Variants in RBPMS2 observed in about 807,000 individuals in gnomAD.
The protein encoded by RBPMS2 is RNA-binding protein with multiple splicing 2.
In RBPMS2, 14 loss-of-function variants were observed where a neutral mutation model predicts 25.7. The observed-to-expected ratio is 0.55, with a 90% confidence interval of 0.36 to 0.85. The LOEUF (loss-of-function observed/expected upper bound fraction) is 0.85. Ranked by LOEUF, RBPMS2 falls within the 40% of genes least tolerant of loss-of-function variation. RBPMS2 has a pLI of 0.01. For missense variants in RBPMS2, 252 were observed against 283.4 expected (o/e 0.89, Z 0.80); for synonymous variants, 127 against 115.6 (o/e 1.10, Z -0.63).
At chr15:64,761,270 G>A (rs961020635) in intron 1 of RBPMS2, 6 of 152,120 alleles carry the variant, frequency 3.9e-5, no homozygotes, top group Non-Finnish European at 7.3e-5. Context: ...AGGGAAAAAC[G>A]AGCCTCTTAT....
At chr15:64,741,853 G>C (rs999705268) in intron 6 of RBPMS2, among the ~76,000 whole-genome samples, 95 of 152,194 alleles carry the variant, frequency 6.2e-4, no homozygotes, top group African/African-American at 2.1e-3. Context: ...GGGCAACATA[G>C]GGAGATAATG....
At chr15:64,771,619 C>A (rs1313728999) in intron 1 of RBPMS2, among the ~76,000 whole-genome samples, 1 of 149,662 alleles carries the variant, frequency 6.7e-6, no homozygotes, top group African/African-American at 2.5e-5. Flanking sequence ...TGCAGTGAGC[C>A]GAGATTGCGC....
chr15:64,740,526 C>A lies in RBPMS2; in HGVS notation c.*482G>T. ...CCCTGAAGCGGGGTGGGTGCAGGGG[C>A]GGGGCGAGGAGAGAGGGGCAGGCAG... is the stretch of plus-strand genomic sequence containing the variant. On this transcript the variant is annotated 3_prime_UTR_variant, in exon 8 of 8. Coordinates refer to ENST00000300069, the MANE Select transcript of RBPMS2 (RefSeq NM_194272.3). The A allele has an allele frequency of 7.2e-6, 1 of 138,122 alleles. No homozygotes were observed. 8.6% of individuals were successfully genotyped at this position (138,122 alleles called of 1,614,324 possible).
chr15:64,745,739 GGTA>G (rs1302118988), intron 6 of RBPMS2, among the ~76,000 whole-genome samples: 1 of 152,188 alleles, frequency 6.6e-6, no homozygotes, highest in Non-Finnish European at 1.5e-5. Context: ...GGCCAGGCAA[GGTA>G]GCCTCATGCC....
chr15:64,753,349 C>T (rs745721672), intron 1 of RBPMS2, among the ~76,000 whole-genome samples: 13 of 152,160 alleles, frequency 8.5e-5, no homozygotes, highest in Non-Finnish European at 1.3e-4. Context: ...GAACTTGCTC[C>T]GCTCTCTAGT....
At chr15:64,758,149 G>A (rs970216295) in intron 1 of RBPMS2, among the ~76,000 whole-genome samples, 1 of 152,204 alleles carries the variant, frequency 6.6e-6, no homozygotes, top group Admixed American at 6.5e-5. Flanking sequence ...TTTAAAGAGT[G>A]CACAGGGGTG....
chr15:64,760,577 G>T (rs1031678181), intron 1 of RBPMS2, among the ~76,000 whole-genome samples: 7 of 151,780 alleles, frequency 4.6e-5, no homozygotes, highest in African/African-American at 1.7e-4. Context: ...TCCTTCTCCG[G>T]ATCACCTGAG....
At position 64,775,349 on chromosome 15, in the gene RBPMS2, C is replaced by A; in HGVS notation, c.-30G>T. On this transcript the variant is annotated 5_prime_UTR_variant, in exon 1 of 8. Transcript: ENST00000300069. Reference sequence around the variant, plus strand: ...CGGGGGAGGGGGCGGCGGGAAGGAACGCGAGGGCGAGCGCGGCGCCGGCCC... The same window carrying A: ...CGGGGGAGGGGGCGGCGGGAAGGAAAGCGAGGGCGAGCGCGGCGCCGGCCC... The A allele has an allele frequency of 8.2e-7, 1 of 1,212,962 alleles. No homozygotes were observed. The highest frequency in any genetic ancestry group is 2.8e-5 in the South Asian group (1 of 36,296). The allele number at this position is 1,212,962 out of a possible 1,614,324, so 75.1% of individuals were successfully genotyped here. A position where few individuals can be genotyped will look rare whatever the true frequency, so the allele number is the denominator to read the frequency against.
At chr15:64,743,530 A>C (rs938001312) in intron 6 of RBPMS2, among the ~76,000 whole-genome samples, 9 of 152,202 alleles carry the variant, frequency 5.9e-5, no homozygotes, top group Non-Finnish European at 1.2e-4. Flanking sequence ...GAAGCCACAC[A>C]ATCCCTTCCT....
At chr15:64,759,068 G>A (rs2083758298) in intron 1 of RBPMS2, among the ~76,000 whole-genome samples, 1 of 152,034 alleles carries the variant, frequency 6.6e-6, no homozygotes, top group Non-Finnish European at 1.5e-5. Flanking sequence ...TGGAATTATA[G>A]GTGTGAGCCA....
chr15:64,763,981 T>C (rs147375127), intron 1 of RBPMS2, among the ~76,000 whole-genome samples: 47 of 152,094 alleles, frequency 3.1e-4, no homozygotes, highest in African/African-American at 1.1e-3. Context: ...TCAAAGCCTG[T>C]TGTGTGCACT....
intron 1 of RBPMS2, among the ~76,000 whole-genome samples, chr15:64,754,180 C>T (rs2083709993): frequency 1.3e-5 from 2 of 152,024 alleles, no homozygotes; most frequent in South Asian, 4.1e-4. Context: ...GGTGTGGTGG[C>T]CCATCCCTGC....
chr15:64,746,413 C>G (rs975674442), intron 6 of RBPMS2, among the ~76,000 whole-genome samples: 1 of 152,232 alleles, frequency 6.6e-6, no homozygotes, highest in South Asian at 2.1e-4. Context: ...ACAGCACTCC[C>G]TCCATGCCAT....
At chr15:64,775,089 C>T in intron 1 of RBPMS2, 144 bp downstream of exon 1, 1 of 356,366 alleles carries the variant, frequency 2.8e-6, no homozygotes, top group Non-Finnish European at 4.7e-6. Flanking sequence ...CGGGCCGCTC[C>T]TACCCGGGCG....
At chr15:64,752,239 T>C (rs897383499) in intron 1 of RBPMS2, among the ~76,000 whole-genome samples, 14 of 152,028 alleles carry the variant, frequency 9.2e-5, no homozygotes, top group African/African-American at 3.1e-4. Context: ...TTTTAATCCA[T>C]TGCACCACTG....
chr15:64,775,158 G>T, intron 1 of RBPMS2, 75 bp downstream of exon 1: 2 of 844,854 alleles, frequency 2.4e-6, no homozygotes, highest in Non-Finnish European at 3.1e-6. Context: ...GCGAGGCGCG[G>T]CAGGCCCCGC....
In RBPMS2 at chr15:64,775,240, T is replaced by C; in HGVS notation, c.80A>G (p.Glu27Gly). ...GSGAGSGGAL[E>G]EEVRTLFVSG... Reference sequence around the variant, plus strand: ...CCGGGGCCACAGACCCACCTCCTCCTCCAGGGCGCCGCCGGAGCCCGCGCC... The same window carrying C: ...CCGGGGCCACAGACCCACCTCCTCCCCCAGGGCGCCGCCGGAGCCCGCGCC... Residue 27 changes from glutamate to glycine, a missense_variant, in exon 1 of 8, where the codon GAG becomes GGG. By Grantham distance (98) the Glu-to-Gly change is moderately conservative. Coordinates refer to ENST00000300069, the MANE Select transcript of RBPMS2 (RefSeq NM_194272.3). 1 of 1,286,952 alleles carries C rather than the reference T, an allele frequency of 7.8e-7. No homozygotes were observed. Among genetic ancestry groups the C allele is most frequent in the Non-Finnish European group, 9.9e-7 (1 of 1,011,790 alleles). The allele number at this position is 1,286,952 out of a possible 1,614,324, so 79.7% of individuals were successfully genotyped here. A position where few individuals can be genotyped will look rare whatever the true frequency, so the allele number is the denominator to read the frequency against.
intron 1 of RBPMS2, among the ~76,000 whole-genome samples, chr15:64,759,952 C>A (rs944500444): frequency 6.6e-6 from 1 of 152,182 alleles, no homozygotes; most frequent in Admixed American, 6.5e-5. Flanking sequence ...GGATTACAGG[C>A]GTGAGCCACC....
Position 64,775,441 on chromosome 15 carries a change from C to A in RBPMS2, c.-122G>T. The A allele has an allele frequency of 2.5e-6, 1 of 393,000 alleles. No homozygotes were observed. Among genetic ancestry groups the A allele is most frequent in the Admixed American group, 4.9e-5 (1 of 20,480 alleles). 24.3% of individuals were successfully genotyped at this position (393,000 alleles called of 1,614,324 possible). ...GGTGCGGAGCGGGTGGCGGGGGACC[C>A]ACGGGGCAGTGAGAGGGGCAGCCTC... On this transcript the variant is annotated 5_prime_UTR_variant, in exon 1 of 8. Transcript: ENST00000300069.
Sources: gnomAD v4.1 joint callset for allele counts (sites outside exome capture counted in the v4.1 genomes callset) on GRCh38, gnomAD v4.1.1 for gene constraint, MANE v1.5 for transcripts, NCBI Gene and HGNC (gene_info 2026-07-23, HGNC 2026-07-21) for gene names.